Variants in MKI67 observed in about 807,000 individuals in gnomAD.
The protein encoded by MKI67 is marker of proliferation Ki-67.
In MKI67, 152 loss-of-function variants were observed where a neutral mutation model predicts 233.5. The ratio of observed to expected loss-of-function variants is 0.65; its 90% CI spans 0.57 to 0.74. The LOEUF (loss-of-function observed/expected upper bound fraction) is 0.74. MKI67 is among the 30% of genes least tolerant of loss of function. The pLI is 0.00. For synonymous variants in MKI67, 1,465 were observed against 1,418.5 expected (o/e 1.03, Z -0.74); for missense variants, 3,940 against 3,885.2 (o/e 1.01, Z -0.37).
chr10:128,116,348 C>T (rs1244662784), intron 6 of MKI67, 143 bp downstream of exon 6: 2 of 755,622 alleles, frequency 2.6e-6, no homozygotes, highest in Admixed American at 2.2e-5. Flanking sequence ...ATCTGTCTGT[C>T]GTTGACATGT....
rs201292045 is a variant in MKI67, at chr10:128,105,018, A to G, written c.6822T>C (p.Gly2274=). ...KAMDTPKPAG[G]DEKDMKAFMG... ...TAAATGCTTTCATGTCTTTCTCATCACCTCCTGCTGGTTTGGGTGTGTCCA... is the reference window on the plus strand; with the variant it reads ...TAAATGCTTTCATGTCTTTCTCATCGCCTCCTGCTGGTTTGGGTGTGTCCA... Residue 2274 remains glycine, a synonymous_variant, in exon 13 of 15, where the codon GGT becomes GGC. Transcript: ENST00000368654. The G allele has an allele frequency of 1.8e-5, 29 of 1,609,454 alleles. No homozygotes were observed. The East Asian group carries it at 6.5e-4, about 36-fold the overall frequency.
Position 128,102,820 on chromosome 10 carries a change from G to T in MKI67, c.9020C>A (p.Thr3007Lys). 1 of 1,614,152 alleles carries T rather than the reference G, an allele frequency of 6.2e-7. No homozygotes were observed. Among genetic ancestry groups the T allele is most frequent in the Non-Finnish European group, 8.5e-7 (1 of 1,180,036 alleles). ...KRGGGKDGSV[T>K]GTKRLRCMPA... is the part of the protein sequence containing the mutation. ...CATGCAGCGCAGCCTCTTGGTTCCC[G>T]TGACGCTTCCATCTTTGCCACCTCC... Residue 3007 changes from threonine to lysine, a missense_variant, in exon 13 of 15, where the codon ACG becomes AAG. By Grantham distance (78) the Thr-to-Lys change is moderately conservative. Coordinates refer to ENST00000368654, the MANE Select transcript of MKI67 (RefSeq NM_002417.5).
chr10:128,101,441 T>G lies in MKI67; in HGVS notation c.9522A>C (p.Gly3174=). The change falls in exon 14 of 15, where the codon GGA becomes GGC. Residue 3174 remains glycine, a synonymous_variant. Transcript: ENST00000368654. ...TGAGAACCTTCGCACTCTTCTGCCC[T>G]CCGCTCTCCTCTGCCACCTTAGGCT... ...SSQPKVAEES[G]GQKSAKVLMQ... is the part of the protein sequence containing the mutation. The G allele has an allele frequency of 6.2e-7, 1 of 1,614,242 alleles. No individual in the cohort carries two copies. Among genetic ancestry groups the G allele is most frequent in the Middle Eastern group, 1.6e-4 (1 of 6,062 alleles).
rs775714040 is a variant in MKI67, at chr10:128,104,389, A to G, written c.7451T>C (p.Ile2484Thr). 1.2e-6 allele frequency: 2 copies of G among 1,614,090 alleles called. No individual in the cohort carries two copies. The highest frequency in any genetic ancestry group is 1.1e-5 in the South Asian group (1 of 91,068). ...TTTCATGTCCACTTTCACCAGGGGT[A>G]TCTTGAGCCTTTGCTTGGAGCTTCT... ...TSRSSKQRLK[I>T]PLVKVDMKEE... The change falls in exon 13 of 15, where the codon ATA (isoleucine) becomes ACA (threonine). Residue 2484 changes from isoleucine to threonine, a missense_variant. Physicochemically the swap from Ile to Thr is moderately conservative, Grantham distance 89. Coordinates refer to ENST00000368654, the MANE Select transcript of MKI67 (RefSeq NM_002417.5).
chr10:128,105,341 T>C lies in MKI67; in HGVS notation c.6499A>G (p.Lys2167Glu). The C allele has an allele frequency of 1.2e-6, 2 of 1,614,214 alleles. No homozygotes were observed. The highest frequency in any genetic ancestry group is 1.7e-6 in the Non-Finnish European group (2 of 1,180,050). ...INVFRETAKQ[K>E]LDPAASVTGS... ...GTTACACTTGCTGCTGGGTCCAGTT[T>C]CTGTTTTGCAGTTTCCCTGAACACG... Residue 2167 changes from lysine (K) to glutamate (E), a missense_variant, in exon 13 of 15, where the codon AAA becomes GAA. By Grantham distance (56) the Lys-to-Glu change is moderately conservative. Transcript: ENST00000368654.
chr10:128,102,840 A>G lies in MKI67; in HGVS notation c.9000T>C (p.Gly3000=). Residue 3000 remains glycine (G), a synonymous_variant, in exon 13 of 15, where the codon GGT becomes GGC. Transcript: ENST00000368654. The part of the protein sequence containing the change: ...SLPPLPFKRG[G]GKDGSVTGTK... The stretch of plus-strand genomic sequence containing the variant: ...TTCCCGTGACGCTTCCATCTTTGCC[A>G]CCTCCCCTCTTGAAGGGCAGTGGGG... 2 of 1,613,532 alleles carry G rather than the reference A, an allele frequency of 1.2e-6. No homozygotes were observed. The highest frequency in any genetic ancestry group is 1.1e-5 in the South Asian group (1 of 91,046).
rs1390253838 is a variant in MKI67 at position 128,119,305 on chromosome 10, C to T, written c.302G>A (p.Ser101Asn). 1 of 1,604,464 alleles carries T rather than the reference C, an allele frequency of 6.2e-7. No homozygotes were observed. Among genetic ancestry groups the T allele is most frequent in the African/African-American group, 1.3e-5 (1 of 74,740 alleles). Residue 101 changes from serine to asparagine, a missense_variant, in exon 5 of 15, where the codon AGT becomes AAT. Ser to Asn is a conservative substitution (Grantham distance 46, BLOSUM62 1). Coordinates refer to ENST00000368654, the MANE Select transcript of MKI67 (RefSeq NM_002417.5). Reference sequence around the variant, plus strand: ...AGTTGACTTCCTTCCATTCTGAAGACTTTCATTTTCATACCTGCAGTTTAT... The same window carrying T: ...AGTTGACTTCCTTCCATTCTGAAGATTTTCATTTTCATACCTGCAGTTTAT... ...IDRSFRYENESLQNGRKSTEF... is the reference protein window; with the variant it reads ...IDRSFRYENENLQNGRKSTEF...
intron 5 of MKI67, 64 bp from the exon 6 acceptor site, chr10:128,116,600 G>C: frequency 7.0e-7 from 1 of 1,428,406 alleles, no homozygotes; most frequent in Non-Finnish European, 9.9e-7. Context: ...AGTCACAACA[G>C]TGAAAATATT....
In MKI67 at chr10:128,102,722, T is replaced by G; in HGVS notation, c.9118A>C (p.Lys3040Gln). 1.9e-6 allele frequency: 3 copies of G among 1,614,216 alleles called. No homozygotes were observed. Among genetic ancestry groups the G allele is most frequent in the Non-Finnish European group, 2.5e-6 (3 of 1,180,048 alleles). ...ATGATGACCACGGGTTCGGATGATT[T>G]GCCTCTTGCCCTGGGAGCAACCCTC... is the stretch of plus-strand genomic sequence containing the variant. The part of the protein sequence containing the change: ...KQRVAPRARG[K>Q]SSEPVVIMKR... The change falls in exon 13 of 15, where the codon AAA (lysine) becomes CAA (glutamine). Residue 3040 changes from lysine to glutamine, a missense_variant. By Grantham distance (53) the Lys-to-Gln change is moderately conservative (BLOSUM62 1). Coordinates refer to ENST00000368654, the MANE Select transcript of MKI67 (RefSeq NM_002417.5).
intron 5 of MKI67, 62 bp from the exon 6 acceptor site, chr10:128,116,598 C>G (rs1852814602): frequency 9.7e-6 from 14 of 1,437,462 alleles, no homozygotes; most frequent in Non-Finnish European, 1.4e-5. Context: ...ACAGTCACAA[C>G]AGTGAAAATA....
rs148636116 is a variant in MKI67, at chr10:128,115,184, T to G, written c.1224A>C (p.Ala408=). The change falls in exon 7 of 15, where the codon GCA becomes GCC. Residue 408 remains alanine (A), a synonymous_variant. Transcript: ENST00000368654. ...TTTCTGGCTTAGTGGCAGAGTCAGC[T>G]GCATCTTCAACTTTAGCTGGTGTTC... The part of the protein sequence containing the change: ...RNRTPAKVED[A]ADSATKPENL... The G allele has an allele frequency of 8.7e-6, 14 of 1,614,114 alleles. No individual in the cohort carries two copies. The African/African-American group carries it at 1.5e-4, about 17-fold the overall frequency.
intron 14 of MKI67, among the ~76,000 whole-genome samples, chr10:128,100,538 A>G (rs868133521): frequency 1.3e-5 from 2 of 152,194 alleles, no homozygotes; most frequent in African/African-American, 4.8e-5. Flanking sequence ...AATTAAATTT[A>G]TATTATATTT....
intron 5 of MKI67, among the ~76,000 whole-genome samples, chr10:128,117,937 C>G (rs1852841517): frequency 6.6e-6 from 1 of 152,220 alleles, no homozygotes; most frequent in African/African-American, 2.4e-5. Flanking sequence ...TGGCACATAT[C>G]TAACCCACAG....
At chr10:128,109,602 T>C (rs1335482357) in intron 12 of MKI67, among the ~76,000 whole-genome samples, 179 bp from the exon 13 acceptor site, 1 of 152,240 alleles carries the variant, frequency 6.6e-6, no homozygotes, top group African/African-American at 2.4e-5. Flanking sequence ...TTAAGAATAA[T>C]GTTATTTGGT....
chr10:128,126,034 C>T (rs904448358), intron 1 of MKI67, 65 bp downstream of exon 1: 1 of 280,370 alleles, frequency 3.6e-6, no homozygotes, highest in Admixed American at 5.1e-5. Context: ...CCGCAGAGCT[C>T]GGGGGGTCCC....
rs1852581866 is a variant in MKI67, at chr10:128,108,503, C to A, written c.3337G>T (p.Gly1113Cys). ...TCAGTCATTGATTCCTCAGAGGGAC[C>A]TGGTGTCTGGAAGAGCTCTTTGAAG... is the stretch of plus-strand genomic sequence containing the variant. Reference protein sequence around the residue: ...AGFKELFQTPGPSEESMTDEK... With the variant: ...AGFKELFQTPCPSEESMTDEK... The change falls in exon 13 of 15, where the codon GGT (glycine) becomes TGT (cysteine). Residue 1113 changes from glycine (G) to cysteine (C), a missense_variant. By Grantham distance (159) the Gly-to-Cys change is radical. Transcript: ENST00000368654. 2 of 1,614,052 alleles carry A rather than the reference C, an allele frequency of 1.2e-6. No individual in the cohort carries two copies. Among genetic ancestry groups the A allele is most frequent in the Admixed American group, 1.7e-5 (1 of 60,016 alleles).
At chr10:128,111,841 AC>A in intron 10 of MKI67, 25 bp from the exon 11 acceptor site, 4 of 1,611,298 alleles carry the variant, frequency 2.5e-6, no homozygotes, top group Admixed American at 1.7e-5. Flanking sequence ...AAGGAGGTAA[AC>A]AGGACATTAA....
Position 128,103,028 on chromosome 10 carries a change from C to T in MKI67, c.8812G>A (p.Ala2938Thr), listed in dbSNP as rs1852373574. ...PGHTEELANG[A>T]ADSFTSAPKQ... ...GGAGCGCTTGTAAAGCTATCAGCAG[C>T]ACCATTTGCCAGTTCCTCAGTGTGG... The change falls in exon 13 of 15, where the codon GCT (alanine) becomes ACT (threonine). Residue 2938 changes from alanine to threonine, a missense_variant. Physicochemically the swap from Ala to Thr is moderately conservative, Grantham distance 58. Transcript: ENST00000368654. 6.2e-7 allele frequency: 1 copy of T among 1,614,240 alleles called. No individual in the cohort carries two copies. Among genetic ancestry groups the T allele is most frequent in the African/African-American group, 1.3e-5 (1 of 75,052 alleles).
rs752347498 is a variant in MKI67, at chr10:128,104,179, C to T, written c.7661G>A (p.Arg2554His). Residue 2554 changes from arginine to histidine, a missense_variant, in exon 13 of 15, where the codon CGT becomes CAT. By Grantham distance (29) the Arg-to-His change is conservative. Coordinates refer to ENST00000368654, the MANE Select transcript of MKI67 (RefSeq NM_002417.5). The stretch of plus-strand genomic sequence containing the variant: ...GAAGTCAACCAGGTCTTCTAGAGCA[C>T]GGGCCTTTTCCTTACGAGTTCTCAG... The part of the protein sequence containing the change: ...RQLRTRKEKA[R>H]ALEDLVDFKE... The T allele has an allele frequency of 5.0e-5, 81 of 1,612,676 alleles. No individual in the cohort carries two copies. The highest frequency in any genetic ancestry group is 6.2e-5 in the Non-Finnish European group (73 of 1,179,658).
Sources: allele counts gnomAD v4.1 joint callset (sites outside exome capture counted in the v4.1 genomes callset), GRCh38; gene constraint gnomAD v4.1.1; transcripts MANE v1.5; gene names NCBI Gene and HGNC (gene_info 2026-07-23, HGNC 2026-07-21).